The following AGPAT4 variants were observed in gnomAD, a reference collection of about 807,000 sequenced individuals.
The protein encoded by AGPAT4 is 1-acyl-sn-glycerol-3-phosphate acyltransferase delta.
AGPAT4 carries 15 observed loss-of-function variants against 48.0 expected under a neutral mutation model. That is an observed-to-expected ratio of 0.31 (90% CI 0.21 to 0.48). The LOEUF (loss-of-function observed/expected upper bound fraction) is 0.48, where lower values mean the gene tolerates loss of function less well. Among genes scored for constraint, AGPAT4 ranks in the 20% least tolerant of loss-of-function variants. The pLI, the probability that AGPAT4 is intolerant of heterozygous loss-of-function variation, is 0.99. For synonymous variants in AGPAT4, 178 were observed against 198.7 expected, an observed-to-expected ratio of 0.90 and a Z score of 0.88; for missense variants, 314 against 482.5, an observed-to-expected ratio of 0.65 and a Z score of 3.27.
chr6:161,130,616 T>C lies in AGPAT4; in HGVS notation c.*5924A>G. ...GGTGTGTTCCACCCTTGCCCATGGT[T>C]AGATCTCTTTCCTTGATAGAACAAG... is the stretch of plus-strand genomic sequence containing the variant. On this transcript the variant is annotated 3_prime_UTR_variant, in exon 9 of 9. Transcript: ENST00000320285. The C allele has an allele frequency of 3.9e-6, 1 of 257,502 alleles. No homozygotes were observed. The highest frequency in any genetic ancestry group is 8.4e-5 in the East Asian group (1 of 11,850). The allele number at this position is 257,502 out of a possible 1,614,324, so 16.0% of individuals were successfully genotyped here.
Position 161,140,041 on chromosome 6 carries a change from G to T in AGPAT4, c.844-421C>A, listed in dbSNP as rs571423181. On this transcript the variant is annotated intron_variant, in intron 7 of 8. Transcript: ENST00000320285. The surrounding 1 kb of genome is among the most constrained non-coding windows in gnomAD (Gnocchi z 6.5). Reference sequence around the variant, plus strand: ...TGCTGCGCCGAAGCTGCCCGCAGGGGACACTCGGTGGAGACCTGGCCCGCA... The same window carrying T: ...TGCTGCGCCGAAGCTGCCCGCAGGGTACACTCGGTGGAGACCTGGCCCGCA... 3.3e-5 allele frequency among the ~76,000 whole-genome samples: 5 copies of T among 152,326 alleles called. No individual in the cohort carries two copies. In the South Asian group the frequency reaches 1.0e-3, roughly 32 times the overall value.
At chr6:161,199,244 C>T (rs1475655782) in intron 2 of AGPAT4, among the ~76,000 whole-genome samples, 2 of 152,184 alleles carry the variant, frequency 1.3e-5, no homozygotes, top group Non-Finnish European at 2.9e-5. Context: ...CATTTGTTCA[C>T]CATCTCAACA....
chr6:161,227,211 C>T (rs935186037), intron 2 of AGPAT4, among the ~76,000 whole-genome samples: 7 of 152,282 alleles, frequency 4.6e-5, no homozygotes, highest in African/African-American at 1.4e-4. Context: ...TCAGAAACAC[C>T]GGCCTCTAGT....
chr6:161,244,390 G>A lies in AGPAT4; in HGVS notation c.-89-12088C>T, dbSNP rs573893375. Among the ~76,000 whole-genome samples, 4 of 152,156 alleles carry A rather than the reference G, an allele frequency of 2.6e-5. No individual in the cohort carries two copies. The highest frequency in any genetic ancestry group is 2.0e-4 in the Admixed American group (3 of 15,268). Reference sequence around the variant, plus strand: ...TCTGATCTTTAATATTTCAAAATACGACAAAAACAAATAATAAAAAGCCTT... The same window carrying A: ...TCTGATCTTTAATATTTCAAAATACAACAAAAACAAATAATAAAAAGCCTT... On this transcript the variant is annotated intron_variant, in intron 1 of 8. Transcript: ENST00000320285. This position sits in a 1 kb window ranked among gnomAD's most constrained non-coding sequence, Gnocchi z 4.7.
Position 161,214,986 on chromosome 6 carries a change from G to A in AGPAT4, c.178+17050C>T, listed in dbSNP as rs1340103445. The stretch of plus-strand genomic sequence containing the variant: ...TGAGACAAAGGCAACAGGCCCATCT[G>A]CAGTTTCAAAAAATCAGACCATATC... On this transcript the variant is annotated intron_variant, in intron 2 of 8. Coordinates refer to ENST00000320285, the MANE Select transcript of AGPAT4 (RefSeq NM_020133.3). The surrounding 1 kb of genome is among the most constrained non-coding windows in gnomAD (Gnocchi z 5.4). Among the ~76,000 whole-genome samples the A allele has an allele frequency of 6.6e-6, 1 of 152,098 alleles. No homozygotes were observed. The highest frequency in any genetic ancestry group is 2.4e-5 in the African/African-American group (1 of 41,410).
At position 161,246,235 on chromosome 6, in the gene AGPAT4, G is replaced by A. The variant is rs1450185699; in HGVS notation, c.-89-13933C>T. 6.6e-6 allele frequency among the ~76,000 whole-genome samples: 1 copy of A among 152,122 alleles called. No individual in the cohort carries two copies. The highest frequency in any genetic ancestry group is 1.9e-4 in the East Asian group (1 of 5,178). On this transcript the variant is annotated intron_variant, in intron 1 of 8. Coordinates refer to ENST00000320285, the MANE Select transcript of AGPAT4 (RefSeq NM_020133.3). This position sits in a 1 kb window ranked among gnomAD's most constrained non-coding sequence, Gnocchi z 5.5. ...TTTCCAACTTTTAAGCAGAATCCAG[G>A]ACAGAGTTGTTTAATTCACGCATAC...
intron 2 of AGPAT4, among the ~76,000 whole-genome samples, chr6:161,203,464 C>T (rs1781297887): frequency 6.8e-6 from 1 of 146,778 alleles, no homozygotes; most frequent in African/African-American, 2.5e-5. Context: ...TCTCAGGTCA[C>T]TGCAACCTCC....
chr6:161,257,413 G>A (rs1193449491), intron 1 of AGPAT4, among the ~76,000 whole-genome samples: 3 of 152,164 alleles, frequency 2.0e-5, no homozygotes, highest in Non-Finnish European at 4.4e-5. Context: ...CTGATTGTCT[G>A]AGCTACAGAC....
rs139508442 is a variant in AGPAT4, at chr6:161,161,875, C to T, written c.348+4373G>A. 15 of 251,496 alleles carry T rather than the reference C, an allele frequency of 6.0e-5. No individual in the cohort carries two copies. Among genetic ancestry groups the T allele is most frequent in the African/African-American group, 3.1e-4 (14 of 45,680 alleles). 15.6% of individuals were successfully genotyped at this position (251,496 alleles called of 1,614,324 possible). ...GCACAGGGCTTTATGGGCGCCCTCACGCACAGGCACTCTGCCTAGGAGGGA... is the reference window on the plus strand; with the variant it reads ...GCACAGGGCTTTATGGGCGCCCTCATGCACAGGCACTCTGCCTAGGAGGGA... On this transcript the variant is annotated intron_variant, in intron 3 of 8. Coordinates refer to ENST00000320285, the MANE Select transcript of AGPAT4 (RefSeq NM_020133.3). The surrounding 1 kb of genome is among the most constrained non-coding windows in gnomAD (Gnocchi z 4.6).
rs1014221757 is a variant in AGPAT4, at chr6:161,204,590, T to A, written c.178+27446A>T. ...TTATTATCTCATGATGAAGTTTAAC[T>A]CTCCCAAATTTTACAAATGTTAATT... On this transcript the variant is annotated intron_variant, in intron 2 of 8. Coordinates refer to ENST00000320285, the MANE Select transcript of AGPAT4 (RefSeq NM_020133.3). The surrounding 1 kb of genome is among the most constrained non-coding windows in gnomAD (Gnocchi z 4.4). Among the ~76,000 whole-genome samples the A allele has an allele frequency of 4.6e-5, 7 of 152,090 alleles. No homozygotes were observed. The highest frequency in any genetic ancestry group is 1.7e-4 in the African/African-American group (7 of 41,402).
chr6:161,154,410 A>G lies in AGPAT4; in HGVS notation c.349-100T>C. Reference sequence around the variant, plus strand: ...AGTAGAAAAAGAGGAGGGGACGTTCACACCAGACGCCTCGGGACAGTCCCA... The same window carrying G: ...AGTAGAAAAAGAGGAGGGGACGTTCGCACCAGACGCCTCGGGACAGTCCCA... On this transcript the variant is annotated intron_variant, in intron 3 of 8. Transcript: ENST00000320285. The surrounding 1 kb of genome is among the most constrained non-coding windows in gnomAD (Gnocchi z 7.8). 1 of 1,390,318 alleles carries G rather than the reference A, an allele frequency of 7.2e-7. No individual in the cohort carries two copies. Among genetic ancestry groups the G allele is most frequent in the Non-Finnish European group, 9.9e-7 (1 of 1,010,770 alleles). The allele number at this position is 1,390,318 out of a possible 1,614,324, so 86.1% of individuals were successfully genotyped here.
In AGPAT4 at chr6:161,205,639, G is replaced by A. The variant is rs144544281; in HGVS notation, c.178+26397C>T. Among the ~76,000 whole-genome samples the A allele has an allele frequency of 7.1e-3, 1,085 of 151,764 alleles. 5 individuals carry two copies. The highest frequency in any genetic ancestry group is 0.017 in the Middle Eastern group (5 of 292). On this transcript the variant is annotated intron_variant, in intron 2 of 8. Transcript: ENST00000320285. Reference sequence around the variant, plus strand: ...CAAGAAGCAATCGCACTTTCAGGGGGAAAAGCAGTATACAACTTCCCACTG... The same window carrying A: ...CAAGAAGCAATCGCACTTTCAGGGGAAAAAGCAGTATACAACTTCCCACTG...
intron 2 of AGPAT4, among the ~76,000 whole-genome samples, chr6:161,210,604 T>C (rs544255950): frequency 6.6e-6 from 1 of 152,332 alleles, no homozygotes; most frequent in East Asian, 1.9e-4. Context: ...TCAAATGCTT[T>C]TTCAAGTTTA....
chr6:161,131,039 C>G lies in AGPAT4; in HGVS notation c.*5501G>C. 1 of 385,634 alleles carries G rather than the reference C, an allele frequency of 2.6e-6. No homozygotes were observed. The highest frequency in any genetic ancestry group is 6.8e-5 in the East Asian group (1 of 14,738). 23.9% of individuals were successfully genotyped at this position (385,634 alleles called of 1,614,324 possible). ...TGCAAAGGAATTATTATGCAGCAAT[C>G]TTAACTTTGTGTACATACCACTCAC... On this transcript the variant is annotated 3_prime_UTR_variant, in exon 9 of 9. Transcript: ENST00000320285.
chr6:161,154,411 C>T lies in AGPAT4; in HGVS notation c.349-101G>A. ...GTAGAAAAAGAGGAGGGGACGTTCA[C>T]ACCAGACGCCTCGGGACAGTCCCAG... On this transcript the variant is annotated intron_variant, in intron 3 of 8. Coordinates refer to ENST00000320285, the MANE Select transcript of AGPAT4 (RefSeq NM_020133.3). This position sits in a 1 kb window ranked among gnomAD's most constrained non-coding sequence, Gnocchi z 7.8. 7.3e-7 allele frequency: 1 copy of T among 1,371,164 alleles called. No individual in the cohort carries two copies. The highest frequency in any genetic ancestry group is 1.0e-6 in the Non-Finnish European group (1 of 995,184). The allele number at this position is 1,371,164 out of a possible 1,614,324, so 84.9% of individuals were successfully genotyped here. A position where few individuals can be genotyped will look rare whatever the true frequency, so the allele number is the denominator to read the frequency against.
At chr6:161,174,842 A>G (rs934537916) in intron 2 of AGPAT4, among the ~76,000 whole-genome samples, 1 of 152,162 alleles carries the variant, frequency 6.6e-6, no homozygotes, top group Non-Finnish European at 1.5e-5. Context: ...GTTTATTGAG[A>G]GTTTTTAGCA....
In AGPAT4 at chr6:161,131,002, T is replaced by A; in HGVS notation, c.*5538A>T. 2.1e-6 allele frequency: 1 copy of A among 466,718 alleles called. No homozygotes were observed. The highest frequency in any genetic ancestry group is 1.5e-5 in the South Asian group (1 of 64,670). 28.9% of individuals were successfully genotyped at this position (466,718 alleles called of 1,614,324 possible). ...AAAGGAAAAGTGACATTTGTGTAAT[T>A]TATTTTGGAAATGCAAAGGAATTAT... On this transcript the variant is annotated 3_prime_UTR_variant, in exon 9 of 9. Transcript: ENST00000320285.
At chr6:161,152,502 C>G (rs1779620890) in intron 5 of AGPAT4, among the ~76,000 whole-genome samples, 1 of 152,188 alleles carries the variant, frequency 6.6e-6, no homozygotes, top group Non-Finnish European at 1.5e-5. Flanking sequence ...CTCTGTTGCT[C>G]CAGAGGTCCT....
chr6:161,170,582 TA>T (rs3839451), intron 2 of AGPAT4, among the ~76,000 whole-genome samples: 5,628 of 152,298 alleles, frequency 0.037, 128 homozygotes, highest in Middle Eastern at 0.11. Context: ...TGTTCTTATG[TA>T]AATATACTGC....
Sources: gnomAD v4.1 joint callset for allele counts (sites outside exome capture counted in the v4.1 genomes callset) on GRCh38, gnomAD v4.1.1 for gene constraint, Gnocchi (gnomAD v3.1) non-coding constraint, MANE v1.5 for transcripts, NCBI Gene and HGNC (gene_info 2026-07-23, HGNC 2026-07-21) for gene names.